NPHS2: variants seen among roughly 807,000 people sequenced by gnomAD.
The protein encoded by NPHS2 is podocin.
NPHS2 carries 36 observed loss-of-function variants against 37.1 expected under a neutral mutation model. That is an observed-to-expected ratio of 0.97 (90% confidence interval 0.74 to 1.28). The LOEUF (loss-of-function observed/expected upper bound fraction) is 1.28, where lower values mean the gene tolerates loss of function less well. NPHS2 is among the 50% of genes most tolerant of loss of function. The probability of loss-of-function intolerance (pLI) is 0.00; values close to 1 mark genes in which losing one functional copy is unlikely to be tolerated. For missense variants in NPHS2, 447 were observed against 488.1 expected (o/e 0.92, Z 0.79); for synonymous variants, 196 against 189.3 (o/e 1.04, Z -0.29).
intron 6 of NPHS2, 22 bp from the exon 7 acceptor site, chr1:179,552,703 T>G (rs1191123440): frequency 6.3e-7 from 1 of 1,592,792 alleles, no homozygotes; most frequent in Non-Finnish European, 8.6e-7. Flanking sequence ...AGAATGCAGG[T>G]ATGTAGGTGT....
intron 7 of NPHS2, 100 bp from the exon 8 acceptor site, chr1:179,551,551 A>G (rs578218811): frequency 5.8e-6 from 8 of 1,375,962 alleles, no homozygotes; most frequent in South Asian, 3.6e-5. Flanking sequence ...AGCATCTACT[A>G]TGTGGCAAGC....
In NPHS2 at chr1:179,564,797, A is replaced by AAGGAG; in HGVS notation, c.275-5_275-4insCTCCT. ...CCTAAGCCGGAGGATTTGGTACCTT[A>AAGGAG]AAAAAATTAAAGCAAAAGAATAATT... is the stretch of plus-strand genomic sequence containing the variant. On this transcript the variant is annotated splice_polypyrimidine_tract_variant and splice_region_variant and intron_variant, in intron 1 of 7. Transcript: ENST00000367615. 1 of 1,607,728 alleles carries AAGGAG rather than the reference A, an allele frequency of 6.2e-7. No individual in the cohort carries two copies. The highest frequency in any genetic ancestry group is 8.5e-7 in the Non-Finnish European group (1 of 1,174,330).
intron 3 of NPHS2, among the ~76,000 whole-genome samples, chr1:179,560,605 C>T (rs993594935): frequency 2.6e-5 from 4 of 152,118 alleles, no homozygotes; most frequent in Admixed American, 1.3e-4. Flanking sequence ...TCTCTGTGGG[C>T]GTGTCCTGGA....
intron 2 of NPHS2, among the ~76,000 whole-genome samples, chr1:179,562,016 AG>A (rs1441782046): frequency 4.6e-5 from 7 of 152,202 alleles, no homozygotes; most frequent in Non-Finnish European, 5.9e-5. Context: ...CATATTCGTC[AG>A]GCTGGTCTCG....
chr1:179,574,989 A>G (rs546287675), intron 1 of NPHS2, among the ~76,000 whole-genome samples: 21 of 152,228 alleles, frequency 1.4e-4, no homozygotes, highest in Admixed American at 1.2e-3. Context: ...TTGTATCCTT[A>G]CCACTACCCT....
chr1:179,559,732 T>C lies in NPHS2; in HGVS notation c.481A>G (p.Thr161Ala). 6.3e-7 allele frequency: 1 copy of C among 1,590,790 alleles called. No individual in the cohort carries two copies. The highest frequency in any genetic ancestry group is 8.6e-7 in the Non-Finnish European group (1 of 1,166,080). The change falls in exon 4 of 8, where the codon ACC becomes GCC. Residue 161 changes from threonine (T) to alanine (A), a missense_variant. Transcript: ENST00000367615. ...GLFFFLPCLDTYHKVDLRLQT... is the reference protein window; with the variant it reads ...GLFFFLPCLDAYHKVDLRLQT... ...AGACGAAGGTCAACCTTGTGGTAGG[T>C]ATCCAGGCAGGGCAAAAAAAAGAAA...
chr1:179,557,336 A>C lies in NPHS2; in HGVS notation c.535-106T>G, dbSNP rs1313602870. 3.5e-6 allele frequency: 3 copies of C among 869,378 alleles called. No individual in the cohort carries two copies. In the East Asian group the frequency reaches 7.7e-5, roughly 22 times the overall value. 53.9% of individuals were successfully genotyped at this position (869,378 alleles called of 1,614,324 possible). A position where few individuals can be genotyped will look rare whatever the true frequency, so the allele number is the denominator to read the frequency against. ...AAAGTGAATTTTCTCCGCAAGAGAA[A>C]AATGGAGTTGGCCTACCCTTTATTT... is the stretch of plus-strand genomic sequence containing the variant. On this transcript the variant is annotated intron_variant, in intron 4 of 7. Coordinates refer to ENST00000367615, the MANE Select transcript of NPHS2 (RefSeq NM_014625.4).
At chr1:179,573,701 T>C (rs891061752) in intron 1 of NPHS2, among the ~76,000 whole-genome samples, 3 of 152,142 alleles carry the variant, frequency 2.0e-5, no homozygotes, top group Admixed American at 1.3e-4. Flanking sequence ...CCATGGCAAG[T>C]AAAAATAAAT....
chr1:179,572,864 G>T (rs1324363069), intron 1 of NPHS2, among the ~76,000 whole-genome samples: 1 of 147,246 alleles, frequency 6.8e-6, no homozygotes, highest in African/African-American at 2.5e-5. Context: ...TTGAGACTGG[G>T]TCTTGCTCTC....
intron 1 of NPHS2, among the ~76,000 whole-genome samples, chr1:179,572,793 T>C (rs1407624749): frequency 2.0e-5 from 3 of 151,092 alleles, no homozygotes; most frequent in Non-Finnish European, 4.4e-5. Context: ...CCTCCTTCCC[T>C]CCCTCCTTCC....
intron 4 of NPHS2, 65 bp downstream of exon 4, chr1:179,559,614 T>C (rs975097541): frequency 9.5e-7 from 1 of 1,047,740 alleles, no homozygotes; most frequent in Non-Finnish European, 1.4e-6. Flanking sequence ...TAAATAATCA[T>C]TTTGTCCACG....
rs193266499 is a variant in NPHS2, at chr1:179,550,964, G to C, written c.*209C>G. 1,127 of 626,764 alleles carry C rather than the reference G, an allele frequency of 1.8e-3. 4 individuals carry two copies. The highest frequency in any genetic ancestry group is 2.7e-3 in the Non-Finnish European group (962 of 357,340). The allele number at this position is 626,764 out of a possible 1,614,324, so 38.8% of individuals were successfully genotyped here. On this transcript the variant is annotated 3_prime_UTR_variant, in exon 8 of 8. Transcript: ENST00000367615. ...CTGTTTCCCATAATTGCTCTGACTA[G>C]ATGAGTCACGGAAACATGTTGTCTG...
At chr1:179,559,874 C>T (rs1200384074) in intron 3 of NPHS2, 113 bp from the exon 4 acceptor site, 2 of 669,004 alleles carry the variant, frequency 3.0e-6, no homozygotes, top group East Asian at 3.0e-5. Flanking sequence ...CCTCTAATTA[C>T]AGACCATTGG....
chr1:179,561,894 C>T (rs1243036000), intron 2 of NPHS2, among the ~76,000 whole-genome samples: 1 of 152,064 alleles, frequency 6.6e-6, no homozygotes, highest in South Asian at 2.1e-4. Context: ...CAACCTCTGC[C>T]TCCCGGGTTC....
Position 179,575,716 on chromosome 1 carries a change from C to T in NPHS2, c.149G>A (p.Arg50Gln). 1 of 1,553,410 alleles carries T rather than the reference C, an allele frequency of 6.4e-7. No individual in the cohort carries two copies. The change falls in exon 1 of 8, where the codon CGG becomes CAG. Residue 50 changes from arginine (R) to glutamine (Q), a missense_variant. Coordinates refer to ENST00000367615, the MANE Select transcript of NPHS2 (RefSeq NM_014625.4). ...TCGGGGCTCCCCCGGGGTCCCCGCCCGTCCGGAGCCCGACGGCTCGGGCCC... is the reference window on the plus strand; with the variant it reads ...TCGGGGCTCCCCCGGGGTCCCCGCCTGTCCGGAGCCCGACGGCTCGGGCCC... ...EAGPEPSGSG[R>Q]AGTPGEPRAP...
Position 179,575,919 on chromosome 1 carries a change from A to G in NPHS2, c.-55T>C. On this transcript the variant is annotated 5_prime_UTR_variant, in exon 1 of 8. Transcript: ENST00000367615. Reference sequence around the variant, plus strand: ...AGCGCGGGAGCGCTAGGGGCACGGGAGCGCAGTCCCTGTGGAGTCGCTGCG... The same window carrying G: ...AGCGCGGGAGCGCTAGGGGCACGGGGGCGCAGTCCCTGTGGAGTCGCTGCG... 1 of 1,347,178 alleles carries G rather than the reference A, an allele frequency of 7.4e-7. No homozygotes were observed. The highest frequency in any genetic ancestry group is 2.0e-5 in the South Asian group (1 of 49,810). The allele number at this position is 1,347,178 out of a possible 1,614,324, so 83.5% of individuals were successfully genotyped here.
At chr1:179,565,306 T>C (rs1226901576) in intron 1 of NPHS2, among the ~76,000 whole-genome samples, 1 of 151,834 alleles carries the variant, frequency 6.6e-6, no homozygotes, top group Non-Finnish European at 1.5e-5. Flanking sequence ...GGAGTGGGGG[T>C]ATACTGGAAC....
At chr1:179,552,748 G>A (rs1673500791) in intron 6 of NPHS2, 67 bp from the exon 7 acceptor site, 1 of 1,229,550 alleles carries the variant, frequency 8.1e-7, no homozygotes, top group South Asian at 1.3e-5. Flanking sequence ...CTTTCACACA[G>A]ACTTGCAAGC....
chr1:179,561,031 A>C (rs1674116929), intron 3 of NPHS2, among the ~76,000 whole-genome samples: 1 of 152,206 alleles, frequency 6.6e-6, no homozygotes, highest in African/African-American at 2.4e-5. Flanking sequence ...ATTGGTCCTA[A>C]GCTAACTTGC....
Sources: gnomAD v4.1 joint callset for allele counts (sites outside exome capture counted in the v4.1 genomes callset) on GRCh38, gnomAD v4.1.1 for gene constraint, MANE v1.5 for transcripts, NCBI Gene and HGNC (gene_info 2026-07-23, HGNC 2026-07-21) for gene names.